Variants in GABRR1 observed in about 807,000 individuals in gnomAD.
The protein encoded by GABRR1 is gamma-aminobutyric acid receptor subunit rho-1.
GABRR1 carries 59 observed loss-of-function variants against 55.5 expected under a neutral mutation model. That is an observed-to-expected ratio of 1.06 (90% CI 0.86 to 1.32). The LOEUF (loss-of-function observed/expected upper bound fraction) is 1.32. Ranked by LOEUF, GABRR1 falls within the 40% of genes most tolerant of loss-of-function variation. The probability of loss-of-function intolerance (pLI) is 0.00; values close to 1 mark genes in which losing one functional copy is unlikely to be tolerated. For synonymous variants in GABRR1, 213 were observed against 226.0 expected, an observed-to-expected ratio of 0.94 and a Z score of 0.51; for missense variants, 602 against 619.1, an observed-to-expected ratio of 0.97 and a Z score of 0.29.
rs1053016241 is a variant in GABRR1, at chr6:89,177,747, T to C, written c.*1023A>G. ...TGGCAGTTTTCTGGTCCATAGAAAATGCTGGTATTTCGAGTATAAATGCAG... is the reference window on the plus strand; with the variant it reads ...TGGCAGTTTTCTGGTCCATAGAAAACGCTGGTATTTCGAGTATAAATGCAG... On this transcript the variant is annotated 3_prime_UTR_variant, in exon 10 of 10. Coordinates refer to ENST00000454853, the MANE Select transcript of GABRR1 (RefSeq NM_002042.5). The C allele has an allele frequency of 6.6e-6, 1 of 152,194 alleles. No individual in the cohort carries two copies. The highest frequency in any genetic ancestry group is 1.5e-5 in the Non-Finnish European group (1 of 68,040). The allele number at this position is 152,194 out of a possible 1,614,324, so 9.4% of individuals were successfully genotyped here.
At chr6:89,218,064 C>A (rs149395944), upstream of GABRR1, among the ~76,000 whole-genome samples, 414 of 152,254 alleles carry the variant, frequency 2.7e-3, 5 homozygotes, top group South Asian at 9.1e-3. Flanking sequence ...GACAGTTTTT[C>A]TTTTGCTTTG....
intron 1 of GABRR1, chr6:89,205,443 A>T (rs1367537925): frequency 6.6e-6 from 1 of 152,296 alleles, no homozygotes; most frequent in Non-Finnish European, 1.5e-5. Context: ...GTACCATGTT[A>T]AGATGATGCA....
chr6:89,190,456 T>C (rs1186442317), intron 5 of GABRR1, among the ~76,000 whole-genome samples: 1 of 152,210 alleles, frequency 6.6e-6, no homozygotes, highest in Non-Finnish European at 1.5e-5. Flanking sequence ...CAAGGGTCAG[T>C]GTGAGGCAAA....
chr6:89,213,001 T>C (rs574142472), intron 1 of GABRR1, among the ~76,000 whole-genome samples: 4 of 152,254 alleles, frequency 2.6e-5, no homozygotes, highest in East Asian at 1.9e-4. Context: ...TCTAGAAACA[T>C]TGCCCAGTGC....
chr6:89,219,764 T>A (rs1312538254), upstream of GABRR1, among the ~76,000 whole-genome samples: 1 of 152,020 alleles, frequency 6.6e-6, no homozygotes, highest in African/African-American at 2.4e-5. Flanking sequence ...GTGGAGAGTA[T>A]AAATCTCTAT....
chr6:89,201,672 G>A (rs935859338), intron 2 of GABRR1, among the ~76,000 whole-genome samples: 8 of 151,928 alleles, frequency 5.3e-5, no homozygotes, highest in South Asian at 2.1e-4. Flanking sequence ...CCAGCTACTC[G>A]GGAGGCTGAG....
At chr6:89,187,485 T>G (rs780327057) in intron 6 of GABRR1, among the ~76,000 whole-genome samples, 12 of 152,216 alleles carry the variant, frequency 7.9e-5, no homozygotes, top group Non-Finnish European at 1.8e-4. Context: ...ATTTTAAAAT[T>G]TTCATGTAGT....
In GABRR1 at chr6:89,178,305, G is replaced by A. The variant is rs1319798030; in HGVS notation, c.*465C>T. 5.9e-6 allele frequency: 1 copy of A among 168,232 alleles called. No individual in the cohort carries two copies. The highest frequency in any genetic ancestry group is 2.4e-5 in the African/African-American group (1 of 41,700). The allele number at this position is 168,232 out of a possible 1,614,324, so 10.4% of individuals were successfully genotyped here. On this transcript the variant is annotated 3_prime_UTR_variant, in exon 10 of 10. Coordinates refer to ENST00000454853, the MANE Select transcript of GABRR1 (RefSeq NM_002042.5). ...AATAGGTAATAGGTTATAAACTGAA[G>A]CATGAGTTTCTGTCAAAGTGAGGAT...
At chr6:89,191,774 G>T (rs1054455874) in intron 5 of GABRR1, among the ~76,000 whole-genome samples, 1 of 152,164 alleles carries the variant, frequency 6.6e-6, no homozygotes, top group Non-Finnish European at 1.5e-5. Flanking sequence ...ACCCTCTTAA[G>T]TCACAAACCA....
chr6:89,206,363 G>A (rs895508945), intron 1 of GABRR1, among the ~76,000 whole-genome samples: 5 of 152,092 alleles, frequency 3.3e-5, no homozygotes, highest in African/African-American at 7.2e-5. Context: ...ACTTCTTGCC[G>A]TTGTCAATTA....
intron 1 of GABRR1, among the ~76,000 whole-genome samples, chr6:89,229,995 C>T (rs202144773): frequency 0.22 from 20,045 of 91,428 alleles, 2,225 homozygotes; most frequent in African/African-American, 0.26. Context: ...CTTCCCTTCT[C>T]GCTTCATTTC....
chr6:89,199,482 A>G, intron 3 of GABRR1, 53 bp from the exon 4 acceptor site: 1 of 1,548,388 alleles, frequency 6.5e-7, no homozygotes, highest in South Asian at 1.1e-5. Context: ...AAATTTTACT[A>G]TGGAGGAAAT....
Position 89,178,712 on chromosome 6 carries a change from T to C in GABRR1, c.*58A>G. The C allele has an allele frequency of 6.9e-7, 1 of 1,444,336 alleles. No homozygotes were observed. Among genetic ancestry groups the C allele is most frequent in the Admixed American group, 1.7e-5 (1 of 57,520 alleles). 89.5% of individuals were successfully genotyped at this position (1,444,336 alleles called of 1,614,324 possible). A position where few individuals can be genotyped will look rare whatever the true frequency, so the allele number is the denominator to read the frequency against. ...CATATCCTTAAATACTTTTTCATTA[T>C]ACAGTTATTTCTGTAGTGCATGCCA... is the stretch of plus-strand genomic sequence containing the variant. On this transcript the variant is annotated 3_prime_UTR_variant, in exon 10 of 10. Transcript: ENST00000454853.
At chr6:89,222,309 T>C (rs1773126363), upstream of GABRR1, among the ~76,000 whole-genome samples, 1 of 152,308 alleles carries the variant, frequency 6.6e-6, no homozygotes, top group African/African-American at 2.4e-5. Context: ...AACTCTCCAA[T>C]TTTTCTTCCC....
At chr6:89,207,406 G>T (rs775016361) in intron 1 of GABRR1, among the ~76,000 whole-genome samples, 1 of 152,010 alleles carries the variant, frequency 6.6e-6, no homozygotes, top group African/African-American at 2.4e-5. Context: ...TGTTGCCCAG[G>T]CTGGTCTTGA....
rs58727093 is a variant in GABRR1 at position 89,203,529 on chromosome 6, G to A, written c.123-44C>T. ...ATAAAGACATTGTAGAGAAAGTCTA[G>A]GTACTCAGATCAACCAAGCACCCCT... On this transcript the variant is annotated intron_variant, in intron 1 of 9. Transcript: ENST00000454853. The A allele has an allele frequency of 1.1e-3, 1,545 of 1,437,276 alleles. 20 individuals carry two copies. The African/African-American group carries it at 0.02, about 18-fold the overall frequency. 89.0% of individuals were successfully genotyped at this position (1,437,276 alleles called of 1,614,324 possible). A position where few individuals can be genotyped will look rare whatever the true frequency, so the allele number is the denominator to read the frequency against.
At chr6:89,229,335 T>C (rs1423158926) in intron 1 of GABRR1, among the ~76,000 whole-genome samples, 1 of 152,138 alleles carries the variant, frequency 6.6e-6, no homozygotes, top group African/African-American at 2.4e-5. Context: ...TGCTCGTTAG[T>C]TGACACAGTT....
At chr6:89,221,200 T>C (rs914478), upstream of GABRR1, 54,380 of 152,098 alleles carry the variant, frequency 0.36, 10,262 homozygotes, top group African/African-American at 0.45. Flanking sequence ...CTCCAGCTTA[T>C]CTTCTCATGG....
chr6:89,196,287 G>A (rs1331690725), intron 5 of GABRR1, among the ~76,000 whole-genome samples: 1 of 152,148 alleles, frequency 6.6e-6, no homozygotes, highest in Admixed American at 6.5e-5. Flanking sequence ...CGTCCTTTAT[G>A]TCAGTGATGT....
Sources: gnomAD v4.1 joint callset for allele counts (sites outside exome capture counted in the v4.1 genomes callset) on GRCh38, gnomAD v4.1.1 for gene constraint, MANE v1.5 for transcripts, NCBI Gene and HGNC (gene_info 2026-07-23, HGNC 2026-07-21) for gene names.